The following CTNNA3 variants were observed in gnomAD, a reference collection of about 807,000 sequenced individuals.
CTNNA3 encodes catenin alpha-3.
A neutral mutation model predicts 95.7 loss-of-function variants in CTNNA3; 76 were observed. The ratio of observed to expected loss-of-function variants is 0.79; its 90% CI spans 0.66 to 0.96. The LOEUF (loss-of-function observed/expected upper bound fraction) is 0.96, where lower values mean the gene tolerates loss of function less well. Ranked by LOEUF, CTNNA3 falls within the 40% of genes least tolerant of loss-of-function variation. The pLI is 0.00. For synonymous variants in CTNNA3, 431 were observed against 374.4 expected (o/e 1.15, Z -1.74); for missense variants, 1,191 against 1,089.8 (o/e 1.09, Z -1.31).
At chr10:67,740,456 G>T (rs56164971) in intron 1 of CTNNA3, among the ~76,000 whole-genome samples, 3 of 150,800 alleles carry the variant, frequency 2.0e-5, no homozygotes, top group East Asian at 3.9e-4. Flanking sequence ...TCGAACAAAT[G>T]TACAAGAAAA....
chr10:67,289,164 T>A (rs1839725280), intron 5 of CTNNA3, among the ~76,000 whole-genome samples: 2 of 152,202 alleles, frequency 1.3e-5, no homozygotes, highest in Non-Finnish European at 2.9e-5. Flanking sequence ...ATTTTTCAGA[T>A]GTTCCACTGG....
intron 9 of CTNNA3, among the ~76,000 whole-genome samples, chr10:66,688,738 G>A (rs975553084): frequency 1.3e-5 from 2 of 152,044 alleles, no homozygotes; most frequent in Non-Finnish European, 2.9e-5. Context: ...TTGGGAGGTT[G>A]AGGCAGGTGG....
intron 7 of CTNNA3, among the ~76,000 whole-genome samples, chr10:66,886,803 T>C (rs1279359713): frequency 1.3e-5 from 2 of 152,158 alleles, no homozygotes; most frequent in Non-Finnish European, 2.9e-5. Flanking sequence ...GAACATGTCC[T>C]GAGATACACC....
At chr10:66,755,261 G>A (rs1215266049) in intron 9 of CTNNA3, among the ~76,000 whole-genome samples, 1 of 152,124 alleles carries the variant, frequency 6.6e-6, no homozygotes, top group Non-Finnish European at 1.5e-5. Flanking sequence ...AAGAAAATGT[G>A]TAGAGATAGA....
At chr10:67,035,334 T>A (rs930864865) in intron 7 of CTNNA3, among the ~76,000 whole-genome samples, 1 of 152,190 alleles carries the variant, frequency 6.6e-6, no homozygotes, top group African/African-American at 2.4e-5. Flanking sequence ...TGTCAAAATA[T>A]AATGTTGAGA....
chr10:66,557,788 C>A (rs959626257), intron 10 of CTNNA3, among the ~76,000 whole-genome samples: 1 of 152,106 alleles, frequency 6.6e-6, no homozygotes, highest in Non-Finnish European at 1.5e-5. Context: ...CTTTCTTTTT[C>A]ATAAGACACT....
intron 7 of CTNNA3, among the ~76,000 whole-genome samples, chr10:67,010,220 A>T (rs1852233373): frequency 6.6e-6 from 1 of 152,196 alleles, no homozygotes; most frequent in African/African-American, 2.4e-5. Flanking sequence ...TTCTTTAGAA[A>T]AGTTATTATT....
At chr10:66,318,017 A>G (rs569380701) in intron 12 of CTNNA3, among the ~76,000 whole-genome samples, 58 of 152,224 alleles carry the variant, frequency 3.8e-4, no homozygotes, top group African/African-American at 1.2e-3. Flanking sequence ...GGAAAGCATT[A>G]TGGTATGTGG....
chr10:67,486,175 T>C (rs1441784731), intron 5 of CTNNA3, among the ~76,000 whole-genome samples: 2 of 152,308 alleles, frequency 1.3e-5, no homozygotes, highest in East Asian at 3.9e-4. Context: ...AGACTGTCCA[T>C]GCCCTGGGAA....
chr10:66,394,316 G>C (rs1232485061), intron 11 of CTNNA3, among the ~76,000 whole-genome samples: 2 of 151,980 alleles, frequency 1.3e-5, no homozygotes, highest in Non-Finnish European at 1.5e-5. Context: ...TAGTGCCTTA[G>C]CTACTTAGCT....
At chr10:66,476,811 T>A (rs1178444556) in intron 11 of CTNNA3, among the ~76,000 whole-genome samples, 1 of 152,058 alleles carries the variant, frequency 6.6e-6, no homozygotes, top group Non-Finnish European at 1.5e-5. Flanking sequence ...CTCTAACTAG[T>A]TTGATATTAA....
intron 13 of CTNNA3, among the ~76,000 whole-genome samples, chr10:66,203,639 A>T (rs1796476267): frequency 1.3e-5 from 2 of 152,040 alleles, no homozygotes; most frequent in South Asian, 4.1e-4. Context: ...TTTATAATTA[A>T]TTTTTTTCTT....
intron 11 of CTNNA3, among the ~76,000 whole-genome samples, chr10:66,443,065 C>T (rs11814959): frequency 0.28 from 43,072 of 152,024 alleles, 6,485 homozygotes; most frequent in East Asian, 0.49. Context: ...ATTGCTAGCA[C>T]GGCAGTCTGA....
chr10:67,396,729 T>G (rs1844719279), intron 5 of CTNNA3, among the ~76,000 whole-genome samples: 1 of 152,200 alleles, frequency 6.6e-6, no homozygotes, highest in South Asian at 2.1e-4. Context: ...AAATCTCATC[T>G]TGAATTGTAG....
intron 13 of CTNNA3, among the ~76,000 whole-genome samples, chr10:66,107,138 G>T (rs932090359): frequency 1.3e-5 from 2 of 152,122 alleles, no homozygotes; most frequent in African/African-American, 4.8e-5. Flanking sequence ...TCTTTAAGCT[G>T]GGCTGTCTCT....
At chr10:66,942,542 CATA>C (rs1200086288) in intron 7 of CTNNA3, among the ~76,000 whole-genome samples, 3 of 145,252 alleles carry the variant, frequency 2.1e-5, no homozygotes, top group African/African-American at 5.3e-5. Flanking sequence ...AAAACATTGC[CATA>C]ATGTCTCTCT....
intron 11 of CTNNA3, among the ~76,000 whole-genome samples, chr10:66,490,546 A>T (rs1486889523): frequency 6.6e-6 from 1 of 152,314 alleles, no homozygotes; most frequent in African/African-American, 2.4e-5. Context: ...CCCTATTATC[A>T]GAGAATTTAT....
At chr10:67,450,865 T>C (rs1325259481) in intron 5 of CTNNA3, among the ~76,000 whole-genome samples, 2 of 151,854 alleles carry the variant, frequency 1.3e-5, no homozygotes, top group African/African-American at 4.8e-5. Flanking sequence ...AAATTGTATG[T>C]AATTTATAAA....
At chr10:66,498,535 C>T (rs1409125176) in intron 11 of CTNNA3, among the ~76,000 whole-genome samples, 2 of 152,088 alleles carry the variant, frequency 1.3e-5, no homozygotes, top group African/African-American at 4.8e-5. Flanking sequence ...ATATAAATCC[C>T]ACATTTCGTA....
Sources: gnomAD v4.1 joint callset for allele counts (sites outside exome capture counted in the v4.1 genomes callset) on GRCh38, gnomAD v4.1.1 for gene constraint, MANE v1.5 for transcripts, NCBI Gene and HGNC (gene_info 2026-07-23, HGNC 2026-07-21) for gene names.